Variants in ZBTB7C observed in about 807,000 individuals in gnomAD.
The protein encoded by ZBTB7C is zinc finger and BTB domain-containing protein 7C.
A neutral mutation model predicts 25.7 loss-of-function variants in ZBTB7C; 8 were observed. The observed-to-expected ratio is 0.31, with a 90% CI of 0.18 to 0.56. ZBTB7C has a LOEUF of 0.56. Among genes scored for constraint, ZBTB7C ranks in the 20% least tolerant of loss-of-function variants. The pLI, the probability that ZBTB7C is intolerant of heterozygous loss-of-function variation, is 0.91. For synonymous variants in ZBTB7C, 394 were observed against 369.0 expected (o/e 1.07, Z -0.78); for missense variants, 824 against 855.2 (o/e 0.96, Z 0.46).
At chr18:48,392,978 G>T (rs559225360) in intron 1 of ZBTB7C, among the ~76,000 whole-genome samples, 16 of 152,314 alleles carry the variant, frequency 1.1e-4, no homozygotes, top group South Asian at 8.3e-4. Context: ...ATTTGGTTGT[G>T]TACATATAGA....
At chr18:48,156,336 G>A (rs1293212781) in intron 3 of ZBTB7C, among the ~76,000 whole-genome samples, 2 of 152,170 alleles carry the variant, frequency 1.3e-5, no homozygotes, top group African/African-American at 2.4e-5. Context: ...ATGGAGCTCC[G>A]CTTTTTTGTT....
chr18:48,341,404 A>C (rs569493385), intron 1 of ZBTB7C, among the ~76,000 whole-genome samples: 141 of 152,362 alleles, frequency 9.3e-4, no homozygotes, highest in Middle Eastern at 3.4e-3. Flanking sequence ...GCAGAAAAGC[A>C]GCCTCCTCTC....
intron 1 of ZBTB7C, among the ~76,000 whole-genome samples, chr18:48,355,406 T>C (rs1399183567): frequency 6.6e-6 from 1 of 152,192 alleles, no homozygotes; most frequent in Non-Finnish European, 1.5e-5. Flanking sequence ...AAACTGCTGT[T>C]GATTTGTTCC....
At chr18:48,180,379 G>A (rs1272191232) in intron 3 of ZBTB7C, 2 of 456,368 alleles carry the variant, frequency 4.4e-6, no homozygotes, top group African/African-American at 2.0e-5. Flanking sequence ...CCATTCGCTG[G>A]TGATTACCAC....
chr18:48,061,216 G>C (rs142732780), intron 3 of ZBTB7C, among the ~76,000 whole-genome samples: 2 of 152,256 alleles, frequency 1.3e-5, no homozygotes, highest in Non-Finnish European at 2.9e-5. Context: ...CAGAGAAAAG[G>C]GTCATGAGGA....
intron 3 of ZBTB7C, among the ~76,000 whole-genome samples, chr18:48,154,220 A>G (rs2040765886): frequency 6.6e-6 from 1 of 152,160 alleles, no homozygotes. Context: ...CTGAATGGCC[A>G]GGAGGTCAAT....
At chr18:48,380,700 A>G (rs2047616448) in intron 1 of ZBTB7C, among the ~76,000 whole-genome samples, 1 of 152,162 alleles carries the variant, frequency 6.6e-6, no homozygotes, top group Admixed American at 6.6e-5. Flanking sequence ...TGGTATCCCG[A>G]TGGGATCCTG....
chr18:48,285,527 T>G (rs1285039571), intron 2 of ZBTB7C, among the ~76,000 whole-genome samples: 9 of 152,216 alleles, frequency 5.9e-5, no homozygotes, highest in Non-Finnish European at 1.3e-4. Flanking sequence ...ATTTAGCAAT[T>G]TTTTTGTAGA....
intron 2 of ZBTB7C, among the ~76,000 whole-genome samples, chr18:48,265,742 C>T (rs1358153164): frequency 6.6e-6 from 1 of 152,160 alleles, no homozygotes; most frequent in Non-Finnish European, 1.5e-5. Context: ...AAATAACTGG[C>T]CTGTATTCAA....
intron 2 of ZBTB7C, among the ~76,000 whole-genome samples, chr18:48,310,734 C>T (rs1056695731): frequency 6.6e-6 from 1 of 152,202 alleles, no homozygotes; most frequent in African/African-American, 2.4e-5. Flanking sequence ...CCCCTGGCCT[C>T]CCCTAGCTCA....
rs555105919 is a variant in ZBTB7C at position 48,323,084 on chromosome 18, T to C, written c.-79+15090A>G. Among the ~76,000 whole-genome samples, 335 of 152,250 alleles carry C rather than the reference T, an allele frequency of 2.2e-3. 2 individuals carry two copies. Among genetic ancestry groups the C allele is most frequent in the Non-Finnish European group, 4.0e-3 (270 of 68,030 alleles). ...GGGGTGACAGATAAAACACTACAAA[T>C]TGGGTTCAGTGTATTCTGCTCGAGT... is the stretch of plus-strand genomic sequence containing the variant. On this transcript the variant is annotated intron_variant, in intron 2 of 4. Coordinates refer to ENST00000590800, the MANE Select transcript of ZBTB7C (RefSeq NM_001318841.2).
intron 1 of ZBTB7C, among the ~76,000 whole-genome samples, chr18:48,376,719 A>G (rs1463322814): frequency 1.3e-5 from 2 of 152,172 alleles, no homozygotes; most frequent in Non-Finnish European, 1.5e-5. Flanking sequence ...CTGTGGCTGT[A>G]AGGCCTGTCC....
At chr18:48,367,347 C>CACATATATATATAT (rs372363765) in intron 1 of ZBTB7C, among the ~76,000 whole-genome samples, 1 of 44,810 alleles carries the variant, frequency 2.2e-5, no homozygotes, top group Non-Finnish European at 5.6e-5. Flanking sequence ...TATATGTGTG[C>CACATATATATATAT]ATATATATAT....
intron 3 of ZBTB7C, among the ~76,000 whole-genome samples, chr18:48,042,318 G>A (rs1028039500): frequency 5.3e-5 from 8 of 152,150 alleles, no homozygotes; most frequent in African/African-American, 1.9e-4. Flanking sequence ...AATAAAATAA[G>A]GTGGGTTGGA....
At chr18:48,306,132 C>T (rs1344946977) in intron 2 of ZBTB7C, among the ~76,000 whole-genome samples, 2 of 152,200 alleles carry the variant, frequency 1.3e-5, no homozygotes, top group African/African-American at 4.8e-5. Flanking sequence ...CTCAAAATCA[C>T]ATTTTAGCAA....
At chr18:48,285,209 C>T (rs1322112060) in intron 2 of ZBTB7C, among the ~76,000 whole-genome samples, 3 of 152,146 alleles carry the variant, frequency 2.0e-5, no homozygotes, top group African/African-American at 7.2e-5. Context: ...ATCTCCTTGA[C>T]CTGTCTGTTT....
chr18:48,199,348 C>T (rs1324428789), intron 2 of ZBTB7C, among the ~76,000 whole-genome samples: 2 of 152,162 alleles, frequency 1.3e-5, no homozygotes, highest in Admixed American at 6.5e-5. Context: ...TTCAAATCCT[C>T]GTTTCTAAAT....
intron 3 of ZBTB7C, among the ~76,000 whole-genome samples, chr18:48,140,896 G>A (rs113733885): frequency 3.4e-5 from 5 of 149,048 alleles, no homozygotes; most frequent in East Asian, 1.9e-4. Context: ...TGCCCTTGGC[G>A]GAGCCTCTAT....
chr18:48,371,725 AG>A (rs1403025402), intron 1 of ZBTB7C, among the ~76,000 whole-genome samples: 2 of 152,212 alleles, frequency 1.3e-5, no homozygotes, highest in Non-Finnish European at 2.9e-5. Context: ...GAAACTCCCT[AG>A]AAGTACTTCT....
Sources: gnomAD v4.1 joint callset for allele counts (sites outside exome capture counted in the v4.1 genomes callset) on GRCh38, gnomAD v4.1.1 for gene constraint, MANE v1.5 for transcripts, NCBI Gene and HGNC (gene_info 2026-07-23, HGNC 2026-07-21) for gene names.